The following HNRNPL variants were observed in gnomAD, a reference collection of about 807,000 sequenced individuals.
HNRNPL encodes the protein heterogeneous nuclear ribonucleoprotein L.
A neutral mutation model predicts 64.0 loss-of-function variants in HNRNPL; 12 were observed. That is an observed-to-expected ratio of 0.19 (90% CI 0.12 to 0.30). HNRNPL has a LOEUF of 0.30. Among genes scored for constraint, HNRNPL ranks in the 10% least tolerant of loss-of-function variants. The pLI is 1.00. For synonymous variants in HNRNPL, 385 were observed against 313.0 expected (o/e 1.23, Z -2.43); for missense variants, 484 against 797.4 (o/e 0.61, Z 4.73).
In HNRNPL at chr19:38,845,845, G is replaced by C. The variant is rs753938665; in HGVS notation, c.624+8C>G. On this transcript the variant is annotated splice_region_variant and intron_variant, in intron 3 of 12. Coordinates refer to ENST00000221419, the MANE Select transcript of HNRNPL (RefSeq NM_001533.3). ...GAGACCTCACAAGAAATGCCTGCTGGCACGTACCGTGGTGATCGAATAAAT... is the reference window on the plus strand; with the variant it reads ...GAGACCTCACAAGAAATGCCTGCTGCCACGTACCGTGGTGATCGAATAAAT... 6.2e-7 allele frequency: 1 copy of C among 1,610,084 alleles called. No homozygotes were observed. The highest frequency in any genetic ancestry group is 1.3e-5 in the African/African-American group (1 of 74,870).
chr19:38,847,955 CA>C lies in HNRNPL; in HGVS notation c.268-522del, dbSNP rs565763631. Among the ~76,000 whole-genome samples the C allele has an allele frequency of 1.4e-3, 206 of 152,230 alleles. 1 individual carries two copies. The highest frequency in any genetic ancestry group is 4.6e-3 in the African/African-American group (192 of 41,536). ...CACTCACACCCAGGTTCAGTCAGGG[CA>C]AAAAACAACACATGCCCCAGAAACT... On this transcript the variant is annotated intron_variant, in intron 1 of 12. Coordinates refer to ENST00000221419, the MANE Select transcript of HNRNPL (RefSeq NM_001533.3).
rs1421441684 is a variant in HNRNPL, at chr19:38,836,529, C to A, written c.*193G>T. ...GTTAATCTTGGGAGATAACAGTTCC[C>A]CTCTCCCTCCCCCTGCAGATTTCCA... On this transcript the variant is annotated 3_prime_UTR_variant, in exon 13 of 13. Transcript: ENST00000221419. 2.3e-5 allele frequency: 10 copies of A among 443,270 alleles called. No individual in the cohort carries two copies. The highest frequency in any genetic ancestry group is 9.2e-5 in the South Asian group (2 of 21,772). 27.5% of individuals were successfully genotyped at this position (443,270 alleles called of 1,614,324 possible).
rs1022479617 is a variant in HNRNPL, at chr19:38,849,932, C to G, written c.35G>C (p.Arg12Pro). ...CTGCCTCTGCTCCAGCCGCCGACGC[C>G]GCTTCTCCGCCCGGGGCAGCAGCCT... Reference protein sequence around the residue: ...SRRLLPRAEKRRRRLEQRQQP... With the variant: ...SRRLLPRAEKPRRRLEQRQQP... The change falls in exon 1 of 13, where the codon CGG (arginine) becomes CCG (proline). Residue 12 changes from arginine (R) to proline (P), a missense_variant. Transcript: ENST00000221419. The G allele has an allele frequency of 7.3e-7, 1 of 1,361,640 alleles. No homozygotes were observed. The highest frequency in any genetic ancestry group is 9.8e-7 in the Non-Finnish European group (1 of 1,024,642). 84.3% of individuals were successfully genotyped at this position (1,361,640 alleles called of 1,614,324 possible).
chr19:38,838,131 A>G (rs370662830), intron 10 of HNRNPL, among the ~76,000 whole-genome samples: 101 of 152,372 alleles, frequency 6.6e-4, no homozygotes, highest in African/African-American at 2.3e-3. Context: ...CTTTCCCAGC[A>G]AACGAGCAGT....
intron 11 of HNRNPL, 38 bp from the exon 12 acceptor site, chr19:38,837,517 C>G (rs1444491066): frequency 1.2e-6 from 2 of 1,612,648 alleles, no homozygotes; most frequent in Admixed American, 1.7e-5. Context: ...AGGTTTTAGA[C>G]TCACCCAATA....
At chr19:38,849,627 A>C in intron 1 of HNRNPL, 73 bp downstream of exon 1, 5 of 1,292,454 alleles carry the variant, frequency 3.9e-6, no homozygotes, top group Non-Finnish European at 4.9e-6. Flanking sequence ...CCCCTCAAAA[A>C]ATAAAATGCC....
intron 1 of HNRNPL, chr19:38,847,744 AC>A (rs1972348364): frequency 5.2e-6 from 1 of 193,732 alleles, no homozygotes; most frequent in African/African-American, 2.3e-5. Flanking sequence ...CTCTCTTCCC[AC>A]TGGTCCACTC....
chr19:38,837,755 G>A (rs991030780), intron 10 of HNRNPL, 104 bp from the exon 11 acceptor site: 22 of 951,368 alleles, frequency 2.3e-5, no homozygotes, highest in Non-Finnish European at 3.6e-5. Context: ...AAGTTTTCAG[G>A]AGAAAAGGCT....
intron 1 of HNRNPL, among the ~76,000 whole-genome samples, chr19:38,848,454 C>T (rs1206725472): frequency 1.3e-5 from 2 of 152,220 alleles, no homozygotes; most frequent in Non-Finnish European, 2.9e-5. Flanking sequence ...ACTGCTCCTT[C>T]CTAAGAGAAG....
chr19:38,846,525 A>G (rs1972301365), intron 2 of HNRNPL, among the ~76,000 whole-genome samples: 1 of 152,144 alleles, frequency 6.6e-6, no homozygotes, highest in Non-Finnish European at 1.5e-5. Flanking sequence ...GTAACCCTAA[A>G]ACTTGGGAGG....
rs772828935 is a variant in HNRNPL at position 38,849,882 on chromosome 19, A to G, written c.85T>C (p.Ser29Pro). The change falls in exon 1 of 13, where the codon TCG becomes CCG. Residue 29 changes from serine (S) to proline (P), a missense_variant. Physicochemically the swap from Ser to Pro is moderately conservative, Grantham distance 74. This residue lies in a region of HNRNPL where 190 missense variants were observed against 160.1 expected (regional missense o/e 1.19). Transcript: ENST00000221419. The part of the protein sequence containing the change: ...RQQPDEQRRR[S>P]GAMVKMAAAG... ...GCCGCCATCTTCACCATCGCTCCCG[A>G]CCGCCTCCGCTGCTCGTCCGGCTGC... The G allele has an allele frequency of 8.1e-7, 1 of 1,233,972 alleles. No homozygotes were observed. The highest frequency in any genetic ancestry group is 1.3e-5 in the South Asian group (1 of 78,388). 76.4% of individuals were successfully genotyped at this position (1,233,972 alleles called of 1,614,324 possible). A position where few individuals can be genotyped will look rare whatever the true frequency, so the allele number is the denominator to read the frequency against.
Position 38,840,390 on chromosome 19 carries a change from A to G in HNRNPL, c.953-14T>C. 6.4e-7 allele frequency: 1 copy of G among 1,560,926 alleles called. No individual in the cohort carries two copies. The highest frequency in any genetic ancestry group is 2.3e-5 in the East Asian group (1 of 44,236). ...CGTGGGGCCCTCCTGGGGGGTGGGA[A>G]GGAAAGAGAGGGAGGACGGGTGAGA... On this transcript the variant is annotated splice_polypyrimidine_tract_variant and intron_variant, in intron 7 of 12. Coordinates refer to ENST00000221419, the MANE Select transcript of HNRNPL (RefSeq NM_001533.3).
At chr19:38,843,697 G>C (rs1972189329) in intron 6 of HNRNPL, 145 bp downstream of exon 6, 2 of 663,276 alleles carry the variant, frequency 3.0e-6, no homozygotes, top group Admixed American at 2.7e-5. Context: ...ATCCCACTAG[G>C]GTGTCCAAGT....
At chr19:38,839,817 C>T (rs1228932268) in intron 8 of HNRNPL, among the ~76,000 whole-genome samples, 1 of 152,194 alleles carries the variant, frequency 6.6e-6, no homozygotes, top group Non-Finnish European at 1.5e-5. Flanking sequence ...ATAATGGATT[C>T]ATTTTTATGT....
chr19:38,844,255 G>T, intron 4 of HNRNPL, 151 bp from the exon 5 acceptor site: 1 of 623,704 alleles, frequency 1.6e-6, no homozygotes, highest in Non-Finnish European at 2.9e-6. Context: ...CTAGCCTCAG[G>T]TTAAGAGACC....
upstream of HNRNPL, chr19:38,850,320 T>G: frequency 4.1e-6 from 1 of 243,856 alleles, no homozygotes; most frequent in Non-Finnish European, 7.9e-6. Flanking sequence ...TCCCTCCCAC[T>G]TTCATTGGTC....
chr19:38,839,034 A>T lies in HNRNPL; in HGVS notation c.1234-19T>A. On this transcript the variant is annotated intron_variant, in intron 8 of 12. Transcript: ENST00000221419. ...ATTTCACCTTGGGGAGAGTAGCTGC[A>T]GTCAGCACCTCTGTCCAGCTGCCAG... 6.2e-7 allele frequency: 1 copy of T among 1,613,704 alleles called. No homozygotes were observed. Among genetic ancestry groups the T allele is most frequent in the Non-Finnish European group, 8.5e-7 (1 of 1,179,776 alleles).
chr19:38,843,749 G>T, intron 6 of HNRNPL, 93 bp downstream of exon 6: 1 of 1,049,292 alleles, frequency 9.5e-7, no homozygotes, highest in Non-Finnish European at 1.5e-6. Context: ...GGGCCCAATG[G>T]CATTACATAA....
In HNRNPL at chr19:38,845,609, G is replaced by A. The variant is rs535128488; in HGVS notation, c.710+41C>T. The A allele has an allele frequency of 2.6e-6, 4 of 1,509,532 alleles. No homozygotes were observed. The East Asian group carries it at 9.0e-5, about 34-fold the overall frequency. The allele number at this position is 1,509,532 out of a possible 1,614,324, so 93.5% of individuals were successfully genotyped here. On this transcript the variant is annotated intron_variant, in intron 4 of 12. Coordinates refer to ENST00000221419, the MANE Select transcript of HNRNPL (RefSeq NM_001533.3). ...ATGGCCACTGTCAAGCCCTGCAAGA[G>A]TCCCTACCCTAAGGAACACCTGTTT...
Sources: gnomAD v4.1 joint callset for allele counts (sites outside exome capture counted in the v4.1 genomes callset) on GRCh38, gnomAD v4.1.1 for gene constraint, gnomAD v4.1.1 regional missense constraint, MANE v1.5 for transcripts, NCBI Gene and HGNC (gene_info 2026-07-23, HGNC 2026-07-21) for gene names.